Variants in CDKN1B observed in about 807,000 individuals in gnomAD.
The protein encoded by CDKN1B is cyclin dependent kinase inhibitor 1B.
A neutral mutation model predicts 17.1 loss-of-function variants in CDKN1B; 7 were observed. The observed-to-expected ratio is 0.41, with a 90% confidence interval of 0.23 to 0.77. The LOEUF is 0.77. Ranked by LOEUF, CDKN1B falls within the 30% of genes least tolerant of loss-of-function variation. CDKN1B has a pLI of 0.33. For missense variants in CDKN1B, 337 were observed against 262.0 expected (o/e 1.29, Z -1.98); for synonymous variants, 149 against 104.3 (o/e 1.43, Z -2.61).
At chr12:12,720,115 T>C (rs1468894331) in intron 2 of CDKN1B, among the ~76,000 whole-genome samples, 2 of 152,194 alleles carry the variant, frequency 1.3e-5, no homozygotes, top group Non-Finnish European at 2.9e-5. Context: ...AACGGCACTA[T>C]AGAACCTCCA....
Position 12,717,673 on chromosome 12 carries a change from G to C in CDKN1B, c.-167G>C. 1.3e-6 allele frequency: 2 copies of C among 1,506,684 alleles called. No homozygotes were observed. The highest frequency in any genetic ancestry group is 1.8e-6 in the Non-Finnish European group (2 of 1,135,016). The allele number at this position is 1,506,684 out of a possible 1,614,324, so 93.3% of individuals were successfully genotyped here. The stretch of plus-strand genomic sequence containing the variant: ...GCCGGGGCTTCCCCGCAGCCCCTGC[G>C]CGCTCCTAGAGCTCGGGCCGTGGCT... On this transcript the variant is annotated 5_prime_UTR_variant, in exon 1 of 3. Transcript: ENST00000228872.
At chr12:12,720,703 T>C (rs774657993) in intron 2 of CDKN1B, among the ~76,000 whole-genome samples, 1 of 152,176 alleles carries the variant, frequency 6.6e-6, no homozygotes, top group Non-Finnish European at 1.5e-5. Flanking sequence ...TTTGGAATTA[T>C]CCCTGGCCTC....
rs1946490856 is a variant in CDKN1B at position 12,718,039 on chromosome 12, A to C, written c.200A>C (p.His67Pro). The change falls in exon 1 of 3, where the codon CAC becomes CCC. Residue 67 changes from histidine (H) to proline (P), a missense_variant. Physicochemically the swap from His to Pro is moderately conservative, Grantham distance 77. Transcript: ENST00000228872. ...QRKWNFDFQN[H>P]KPLEGKYEWQ... ...AAGTGGAATTTCGATTTTCAGAATCACAAACCCCTAGAGGGCAAGTACGAG... is the reference window on the plus strand; with the variant it reads ...AAGTGGAATTTCGATTTTCAGAATCCCAAACCCCTAGAGGGCAAGTACGAG... 4.3e-6 allele frequency: 7 copies of C among 1,614,126 alleles called. No individual in the cohort carries two copies. The highest frequency in any genetic ancestry group is 5.9e-6 in the Non-Finnish European group (7 of 1,180,046).
Position 12,717,464 on chromosome 12 carries a change from T to G in CDKN1B, c.-376T>G, listed in dbSNP as rs1310797355. ...TTTTCTCCCCCTCCCCTGTCCCCGC[T>G]TGCTCACGGCTCTGCGACTCCGACG... is the stretch of plus-strand genomic sequence containing the variant. On this transcript the variant is annotated 5_prime_UTR_variant, in exon 1 of 3. Transcript: ENST00000228872. The G allele has an allele frequency of 7.6e-7, 1 of 1,319,060 alleles. No individual in the cohort carries two copies. Among genetic ancestry groups the G allele is most frequent in the Non-Finnish European group, 9.7e-7 (1 of 1,030,506 alleles). The allele number at this position is 1,319,060 out of a possible 1,614,324, so 81.7% of individuals were successfully genotyped here.
intron 2 of CDKN1B, 140 bp downstream of exon 2, chr12:12,719,094 A>G (rs754698120): frequency 1.7e-5 from 17 of 1,003,346 alleles, no homozygotes; most frequent in Non-Finnish European, 2.5e-5. Context: ...AAAAGTAGCA[A>G]TGGGGAAGGC....
chr12:12,722,287 A>C lies in CDKN1B; in HGVS notation c.*1260A>C, dbSNP rs1043277046. 1 of 152,662 alleles carries C rather than the reference A, an allele frequency of 6.6e-6. No individual in the cohort carries two copies. Among genetic ancestry groups the C allele is most frequent in the African/African-American group, 2.4e-5 (1 of 41,448 alleles). The allele number at this position is 152,662 out of a possible 1,614,324, so 9.5% of individuals were successfully genotyped here. On this transcript the variant is annotated 3_prime_UTR_variant, in exon 3 of 3. Coordinates refer to ENST00000228872, the MANE Select transcript of CDKN1B (RefSeq NM_004064.5). ...TGCTTAAAAGGTTGCATACTGAGCC[A>C]AGTATAATTTTTTGTAATGTGTGAA...
In CDKN1B at chr12:12,717,714, CT is replaced by C; in HGVS notation, c.-122del. On this transcript the variant is annotated 5_prime_UTR_variant, in exon 1 of 3. Coordinates refer to ENST00000228872, the MANE Select transcript of CDKN1B (RefSeq NM_004064.5). The stretch of plus-strand genomic sequence containing the variant: ...GGCCGTGGCTCGTCGGGGTCTGTGT[CT>C]TTTGGCTCCGAGGGCAGTCGCTGGG... The C allele has an allele frequency of 6.4e-7, 1 of 1,559,008 alleles. No individual in the cohort carries two copies.
At chr12:12,720,970 G>A in intron 2 of CDKN1B, 66 bp from the exon 3 acceptor site, 2 of 582,428 alleles carry the variant, frequency 3.4e-6, no homozygotes, top group Non-Finnish European at 6.2e-6. Context: ...AATAATTCCT[G>A]TACTCTACTG....
In CDKN1B at chr12:12,718,819, G is replaced by A. The variant is rs376695255; in HGVS notation, c.476-6G>A. On this transcript the variant is annotated splice_region_variant and splice_polypyrimidine_tract_variant and intron_variant, in intron 1 of 2. Transcript: ENST00000228872. Reference sequence around the variant, plus strand: ...TGTTCTTTTTAAAAATTTCCCCTGCGCTTAGATTCTTCTACTCAAAACAAA... The same window carrying A: ...TGTTCTTTTTAAAAATTTCCCCTGCACTTAGATTCTTCTACTCAAAACAAA... 4.3e-5 allele frequency: 69 copies of A among 1,613,886 alleles called. No homozygotes were observed. The African/African-American group carries it at 4.8e-4, about 11-fold the overall frequency.
In CDKN1B at chr12:12,722,063, C is replaced by T. The variant is rs1592283046; in HGVS notation, c.*1036C>T. 6.6e-6 allele frequency: 1 copy of T among 152,180 alleles called. No homozygotes were observed. The highest frequency in any genetic ancestry group is 1.5e-5 in the Non-Finnish European group (1 of 68,028). 9.4% of individuals were successfully genotyped at this position (152,180 alleles called of 1,614,324 possible). On this transcript the variant is annotated 3_prime_UTR_variant, in exon 3 of 3. Coordinates refer to ENST00000228872, the MANE Select transcript of CDKN1B (RefSeq NM_004064.5). ...ACATCTTTAAACAGTATTTCATTGC[C>T]TGTGTATGGAAAAACCATTTGAAGT...
chr12:12,718,379 AC>A, intron 1 of CDKN1B, 65 bp downstream of exon 1: 4 of 1,419,178 alleles, frequency 2.8e-6, no homozygotes, highest in Non-Finnish European at 3.9e-6. Context: ...GAGGGTGTTA[AC>A]CTTAGCTTGC....
Position 12,721,768 on chromosome 12 carries a change from G to A in CDKN1B, c.*741G>A, listed in dbSNP as rs1458024818. On this transcript the variant is annotated 3_prime_UTR_variant, in exon 3 of 3. Coordinates refer to ENST00000228872, the MANE Select transcript of CDKN1B (RefSeq NM_004064.5). ...GGGCAAAAATCCGAGGTGCTTGGGA[G>A]TTTTGAATGTTAAGAATTGACCATC... 1.3e-5 allele frequency: 2 copies of A among 152,172 alleles called. No individual in the cohort carries two copies. 9.4% of individuals were successfully genotyped at this position (152,172 alleles called of 1,614,324 possible).
In CDKN1B at chr12:12,717,499, T is replaced by G; in HGVS notation, c.-341T>G. On this transcript the variant is annotated 5_prime_UTR_variant, in exon 1 of 3. Transcript: ENST00000228872. ...CTCTGCGACTCCGACGCCGGCAAGGTTTGGAGAGCGGCTGGGTTCGCGGGA... is the reference window on the plus strand; with the variant it reads ...CTCTGCGACTCCGACGCCGGCAAGGGTTGGAGAGCGGCTGGGTTCGCGGGA... 1.5e-6 allele frequency: 2 copies of G among 1,353,652 alleles called. No individual in the cohort carries two copies. Among genetic ancestry groups the G allele is most frequent in the Non-Finnish European group, 1.9e-6 (2 of 1,049,378 alleles). The allele number at this position is 1,353,652 out of a possible 1,614,324, so 83.9% of individuals were successfully genotyped here. A position where few individuals can be genotyped will look rare whatever the true frequency, so the allele number is the denominator to read the frequency against.
At position 12,718,900 on chromosome 12, in the gene CDKN1B, T is replaced by C. The variant is rs768507663; in HGVS notation, c.551T>C (p.Val184Ala). ...VSDGSPNAGS[V>A]EQTPKKPGLR... is the part of the protein sequence containing the mutation. ...GACGGTTCCCCAAATGCCGGTTCTGTGGAGCAGACGCCCAAGAAGCCTGGC... is the reference window on the plus strand; with the variant it reads ...GACGGTTCCCCAAATGCCGGTTCTGCGGAGCAGACGCCCAAGAAGCCTGGC... Residue 184 changes from valine to alanine, a missense_variant, in exon 2 of 3, where the codon GTG (valine) becomes GCG (alanine). By Grantham distance (64) the Val-to-Ala change is moderately conservative (BLOSUM62 0). Coordinates refer to ENST00000228872, the MANE Select transcript of CDKN1B (RefSeq NM_004064.5). The C allele has an allele frequency of 1.2e-6, 2 of 1,614,106 alleles. No individual in the cohort carries two copies. Among genetic ancestry groups the C allele is most frequent in the Admixed American group, 1.7e-5 (1 of 60,008 alleles).
intron 1 of CDKN1B, among the ~76,000 whole-genome samples, chr12:12,718,537 C>T (rs528173320): frequency 9.2e-5 from 14 of 152,302 alleles, no homozygotes; most frequent in African/African-American, 2.6e-4. Context: ...TAACTTAATA[C>T]ATCGCGGTCC....
rs1946542700 is a variant in CDKN1B, at chr12:12,721,836, T to C, written c.*809T>C. 6.6e-6 allele frequency: 1 copy of C among 152,230 alleles called. No homozygotes were observed. Among genetic ancestry groups the C allele is most frequent in the African/African-American group, 2.4e-5 (1 of 41,456 alleles). The allele number at this position is 152,230 out of a possible 1,614,324, so 9.4% of individuals were successfully genotyped here. A position where few individuals can be genotyped will look rare whatever the true frequency, so the allele number is the denominator to read the frequency against. ...TTGACAAAATTTTCTCATTTTCTTT[T>C]CACTTCGGGCTGTGTAAACACAGTC... On this transcript the variant is annotated 3_prime_UTR_variant, in exon 3 of 3. Coordinates refer to ENST00000228872, the MANE Select transcript of CDKN1B (RefSeq NM_004064.5).
Position 12,718,195 on chromosome 12 carries a change from T to C in CDKN1B, c.356T>C (p.Ile119Thr), listed in dbSNP as rs142833529. The change falls in exon 1 of 3, where the codon ATT becomes ACT. Residue 119 changes from isoleucine (I) to threonine (T), a missense_variant. Ile to Thr is a moderately conservative substitution (Grantham distance 89). Transcript: ENST00000228872. The part of the protein sequence containing the change: ...VSGSRPAAPL[I>T]GAPANSEDTH... ...GGGAGCCGCCCGGCGGCGCCTTTAA[T>C]TGGGGCTCCGGCTAACTCTGAGGAC... The C allele has an allele frequency of 7.1e-4, 1,138 of 1,613,028 alleles. 2 individuals are homozygous for C. The highest frequency in any genetic ancestry group is 1.1e-3 in the Admixed American group (68 of 59,942).
In CDKN1B at chr12:12,718,264, C is replaced by A. The variant is rs771115907; in HGVS notation, c.425C>A (p.Thr142Lys). Residue 142 changes from threonine (T) to lysine (K), a missense_variant, in exon 1 of 3, where the codon ACG (threonine) becomes AAG (lysine). By Grantham distance (78) the Thr-to-Lys change is moderately conservative (BLOSUM62 -1). Coordinates refer to ENST00000228872, the MANE Select transcript of CDKN1B (RefSeq NM_004064.5). Reference sequence around the variant, plus strand: ...AAGACTGATCCGTCGGACAGCCAGACGGGGTTAGCGGAGCAATGCGCAGGA... The same window carrying A: ...AAGACTGATCCGTCGGACAGCCAGAAGGGGTTAGCGGAGCAATGCGCAGGA... ...DPKTDPSDSQ[T>K]GLAEQCAGIR... The A allele has an allele frequency of 1.2e-5, 19 of 1,568,634 alleles. No homozygotes were observed. The highest frequency in any genetic ancestry group is 1.5e-5 in the Non-Finnish European group (17 of 1,156,088).
intron 2 of CDKN1B, 103 bp downstream of exon 2, chr12:12,719,057 T>C: frequency 6.8e-7 from 1 of 1,476,380 alleles, no homozygotes; most frequent in Middle Eastern, 2.4e-4. Flanking sequence ...TATGGGGTTT[T>C]GTTTTGTTTA....
Sources: gnomAD v4.1 joint callset for allele counts (sites outside exome capture counted in the v4.1 genomes callset) on GRCh38, gnomAD v4.1.1 for gene constraint, MANE v1.5 for transcripts, NCBI Gene and HGNC (gene_info 2026-07-23, HGNC 2026-07-21) for gene names.